Variants in KCTD8 observed in about 807,000 individuals in gnomAD.
KCTD8 encodes the protein potassium channel tetramerization domain containing 8, also known as BTB/POZ domain-containing protein KCTD8.
A neutral mutation model predicts 31.5 loss-of-function variants in KCTD8; 27 were observed. The ratio of observed to expected loss-of-function variants is 0.86; its 90% CI spans 0.63 to 1.18. The LOEUF is 1.18. Among genes scored for constraint, KCTD8 ranks in the 50% most tolerant of loss-of-function variants. The pLI is 0.00. For synonymous variants in KCTD8, 290 were observed against 280.0 expected, an observed-to-expected ratio of 1.04 and a Z score of -0.36; for missense variants, 658 against 647.7, an observed-to-expected ratio of 1.02 and a Z score of -0.17.
rs757865317 is a variant in KCTD8 at position 44,447,767 on chromosome 4, T to C, written c.757A>G (p.Asn253Asp). Residue 253 changes from asparagine to aspartate, a missense_variant, in exon 1 of 2, where the codon AAC (asparagine) becomes GAC (aspartate). Coordinates refer to ENST00000360029, the MANE Select transcript of KCTD8 (RefSeq NM_198353.3). ...TGCCGGTCGGGGTCGCGGCTCTCGT[T>C]GAGCGTGTCCCCGAAGACCTCCTTG... ...LAKEVFGDTL[N>D]ESRDPDRQPE... 1.9e-5 allele frequency: 30 copies of C among 1,611,544 alleles called. No homozygotes were observed. The highest frequency in any genetic ancestry group is 2.5e-5 in the Non-Finnish European group (30 of 1,178,970).
At chr4:44,426,508 C>A (rs1333826722) in intron 1 of KCTD8, among the ~76,000 whole-genome samples, 1 of 151,376 alleles carries the variant, frequency 6.6e-6, no homozygotes, top group Non-Finnish European at 1.5e-5. Flanking sequence ...AACCAAAAAA[C>A]AGAAGTTGAC....
intron 1 of KCTD8, among the ~76,000 whole-genome samples, chr4:44,434,149 T>C (rs757817840): frequency 1.4e-4 from 22 of 151,920 alleles, no homozygotes; most frequent in Non-Finnish European, 2.7e-4. Flanking sequence ...CAAGCTCTCT[T>C]ACATGAATGC....
intron 1 of KCTD8, among the ~76,000 whole-genome samples, chr4:44,249,749 T>C (rs974136187): frequency 6.6e-6 from 1 of 151,578 alleles, no homozygotes; most frequent in African/African-American, 2.4e-5. Context: ...CCATGTCTCC[T>C]TCTCCCTTTC....
chr4:44,406,137 G>A (rs1720789292), intron 1 of KCTD8, among the ~76,000 whole-genome samples: 1 of 152,088 alleles, frequency 6.6e-6, no homozygotes, highest in Non-Finnish European at 1.5e-5. Flanking sequence ...AAAACAAGGA[G>A]GTGAATATAT....
chr4:44,339,860 AAAC>A (rs1209289573), intron 1 of KCTD8, among the ~76,000 whole-genome samples: 1 of 152,208 alleles, frequency 6.6e-6, no homozygotes, highest in African/African-American at 2.4e-5. Flanking sequence ...CTTGAAAATT[AAAC>A]AATTAGCAGT....
At chr4:44,442,024 C>CA (rs1322644385) in intron 1 of KCTD8, among the ~76,000 whole-genome samples, 1 of 151,360 alleles carries the variant, frequency 6.6e-6, no homozygotes, top group Non-Finnish European at 1.5e-5. Flanking sequence ...CCAAATAAAC[C>CA]AAAAAAAGAT....
At chr4:44,238,925 AG>A (rs1321115845) in intron 1 of KCTD8, among the ~76,000 whole-genome samples, 4 of 152,218 alleles carry the variant, frequency 2.6e-5, no homozygotes, top group Non-Finnish European at 4.4e-5. Flanking sequence ...GTCTTATAAT[AG>A]TTTTTATTTA....
chr4:44,311,640 C>T (rs920629001), intron 1 of KCTD8, among the ~76,000 whole-genome samples: 2 of 151,852 alleles, frequency 1.3e-5, no homozygotes, highest in South Asian at 4.1e-4. Flanking sequence ...TAACATTCAA[C>T]AGATGGTGAA....
intron 1 of KCTD8, among the ~76,000 whole-genome samples, chr4:44,279,138 T>G (rs1455198013): frequency 2.0e-5 from 3 of 152,046 alleles, no homozygotes; most frequent in Non-Finnish European, 4.4e-5. Context: ...TGCATAAAGG[T>G]GTGTGCATTA....
chr4:44,262,185 G>A (rs73811982), intron 1 of KCTD8, among the ~76,000 whole-genome samples: 69 of 152,196 alleles, frequency 4.5e-4, no homozygotes, highest in Middle Eastern at 3.4e-3. Flanking sequence ...GAAAGTCACA[G>A]GTCACTTTGA....
intron 1 of KCTD8, among the ~76,000 whole-genome samples, chr4:44,376,301 C>T (rs749604147): frequency 7.2e-5 from 11 of 152,092 alleles, no homozygotes; most frequent in Admixed American, 4.6e-4. Context: ...GCATGGGGTG[C>T]ACAATGTTCC....
intron 1 of KCTD8, among the ~76,000 whole-genome samples, chr4:44,257,672 T>C (rs1001922378): frequency 6.6e-6 from 1 of 152,018 alleles, no homozygotes; most frequent in African/African-American, 2.4e-5. Flanking sequence ...TCTTTTGTAC[T>C]ATTGCTTAAT....
chr4:44,192,976 G>T (rs569077160), intron 1 of KCTD8, among the ~76,000 whole-genome samples: 2 of 152,218 alleles, frequency 1.3e-5, no homozygotes, highest in South Asian at 4.1e-4. Flanking sequence ...TCTTCAGCTT[G>T]CAGACAGCCT....
intron 1 of KCTD8, among the ~76,000 whole-genome samples, chr4:44,197,962 C>T (rs1713995114): frequency 6.6e-6 from 1 of 152,238 alleles, no homozygotes; most frequent in South Asian, 2.1e-4. Flanking sequence ...AATAATTAAA[C>T]TGAACTTCTG....
intron 1 of KCTD8, among the ~76,000 whole-genome samples, chr4:44,207,890 T>C (rs1331949181): frequency 6.6e-6 from 1 of 152,146 alleles, no homozygotes; most frequent in Non-Finnish European, 1.5e-5. Flanking sequence ...GCTACAAGCA[T>C]GGGGAATGGC....
chr4:44,348,397 A>G (rs955818442), intron 1 of KCTD8, among the ~76,000 whole-genome samples: 3 of 152,190 alleles, frequency 2.0e-5, no homozygotes, highest in African/African-American at 7.2e-5. Flanking sequence ...GCTTAGTGCC[A>G]TTTGTTTCAG....
intron 1 of KCTD8, among the ~76,000 whole-genome samples, chr4:44,224,994 A>G (rs1714914167): frequency 6.6e-6 from 1 of 152,096 alleles, no homozygotes; most frequent in Non-Finnish European, 1.5e-5. Flanking sequence ...GACCCCATAC[A>G]ATTTTAAGGG....
chr4:44,340,572 G>T (rs1352883859), intron 1 of KCTD8, among the ~76,000 whole-genome samples: 1 of 151,128 alleles, frequency 6.6e-6, no homozygotes, highest in Non-Finnish European at 1.5e-5. Flanking sequence ...GCCTCCCAAA[G>T]TGCTGGGATT....
At chr4:44,214,262 C>G (rs1343632467) in intron 1 of KCTD8, among the ~76,000 whole-genome samples, 1 of 152,124 alleles carries the variant, frequency 6.6e-6, no homozygotes, top group Non-Finnish European at 1.5e-5. Flanking sequence ...AGTTTGTAGC[C>G]CAGCCAAAGG....
Sources: gnomAD v4.1 joint callset for allele counts (sites outside exome capture counted in the v4.1 genomes callset) on GRCh38, gnomAD v4.1.1 for gene constraint, MANE v1.5 for transcripts, NCBI Gene and HGNC (gene_info 2026-07-23, HGNC 2026-07-21) for gene names.